Variants in KCNIP4 observed in about 807,000 individuals in gnomAD.
The protein encoded by KCNIP4 is potassium voltage-gated channel interacting protein 4, also known as Kv channel-interacting protein 4.
Under a neutral mutation model 34.0 loss-of-function variants are expected in KCNIP4, and 12 were observed. The observed-to-expected ratio is 0.35, with a 90% confidence interval of 0.23 to 0.57. The LOEUF (loss-of-function observed/expected upper bound fraction) is 0.57, where lower values mean the gene tolerates loss of function less well. Ranked by LOEUF, KCNIP4 falls within the 20% of genes least tolerant of loss-of-function variation. The pLI, the probability that KCNIP4 is intolerant of heterozygous loss-of-function variation, is 0.83. For missense variants in KCNIP4, 238 were observed against 311.7 expected, an observed-to-expected ratio of 0.76 and a Z score of 1.78; for synonymous variants, 124 against 102.2, an observed-to-expected ratio of 1.21 and a Z score of -1.29.
chr4:21,711,669 A>C (rs754887323), intron 1 of KCNIP4, among the ~76,000 whole-genome samples: 5 of 152,234 alleles, frequency 3.3e-5, no homozygotes, highest in Admixed American at 1.3e-4. Context: ...GGCAAATTTT[A>C]ATTGGATTCC....
intron 1 of KCNIP4, among the ~76,000 whole-genome samples, chr4:21,627,555 A>C (rs989887076): frequency 6.6e-6 from 1 of 152,140 alleles, no homozygotes; most frequent in Non-Finnish European, 1.5e-5. Context: ...TTAACTTTTG[A>C]AATTATTTCT....
At chr4:21,547,257 GAC>G (rs376201268) in intron 1 of KCNIP4, among the ~76,000 whole-genome samples, 7 of 152,030 alleles carry the variant, frequency 4.6e-5, no homozygotes, top group African/African-American at 1.2e-4. Context: ...TGTGTTTTGG[GAC>G]AGTTTGTTAC....
chr4:21,257,274 G>T (rs916562124), intron 1 of KCNIP4, among the ~76,000 whole-genome samples: 1 of 152,106 alleles, frequency 6.6e-6, no homozygotes, highest in Non-Finnish European at 1.5e-5. Flanking sequence ...CTATACACAT[G>T]TCTGGAGCTC....
chr4:20,851,724 CAT>C (rs1269665834), intron 2 of KCNIP4, among the ~76,000 whole-genome samples: 9 of 152,136 alleles, frequency 5.9e-5, no homozygotes, highest in African/African-American at 2.2e-4. Flanking sequence ...GTTAGAAAAA[CAT>C]AGAAGATCAC....
chr4:21,381,021 T>G (rs372739940), intron 1 of KCNIP4, among the ~76,000 whole-genome samples: 1 of 152,164 alleles, frequency 6.6e-6, no homozygotes, highest in Admixed American at 6.5e-5. Context: ...GTCAAAGCTC[T>G]TGTTTATTGC....
intron 1 of KCNIP4, among the ~76,000 whole-genome samples, chr4:21,418,226 T>A (rs17522834): frequency 0.053 from 8,086 of 152,262 alleles, 282 homozygotes; most frequent in South Asian, 0.089. Context: ...TGGATCAGAC[T>A]ATTTAGTCAC....
At position 21,362,273 on chromosome 4, in the gene KCNIP4, C is replaced by T. The variant is rs575997652; in HGVS notation, c.62-479564G>A. Among the ~76,000 whole-genome samples, 216 of 152,156 alleles carry T rather than the reference C, an allele frequency of 1.4e-3. 3 individuals are homozygous for T. Among genetic ancestry groups the T allele is most frequent in the African/African-American group, 4.8e-3 (200 of 41,504 alleles). ...AACCCTGTATTATGGCAGAGGGAGC[C>T]GCAGAATAGCCAAGAAGCTGGCTCC... On this transcript the variant is annotated intron_variant, in intron 1 of 8. Transcript: ENST00000382152.
intron 1 of KCNIP4, among the ~76,000 whole-genome samples, chr4:21,124,608 A>G (rs989186705): frequency 1.3e-5 from 2 of 152,020 alleles, no homozygotes; most frequent in African/African-American, 4.8e-5. Context: ...TGCTCTCCAC[A>G]TTATCCCCAT....
chr4:21,796,076 C>A (rs936494135), intron 1 of KCNIP4, among the ~76,000 whole-genome samples: 3 of 152,158 alleles, frequency 2.0e-5, no homozygotes, highest in Admixed American at 1.3e-4. Context: ...CTCAATCAAT[C>A]AATAAATAAA....
chr4:21,058,538 G>T (rs960352241), intron 1 of KCNIP4, among the ~76,000 whole-genome samples: 1 of 152,070 alleles, frequency 6.6e-6, no homozygotes, highest in Non-Finnish European at 1.5e-5. Context: ...GTAAAATGGG[G>T]ATAATTATGG....
intron 3 of KCNIP4, among the ~76,000 whole-genome samples, chr4:20,834,635 A>G (rs1324571742): frequency 2.0e-5 from 3 of 152,106 alleles, no homozygotes; most frequent in African/African-American, 7.2e-5. Flanking sequence ...AAATGTACAT[A>G]AAGAGTAGCC....
At chr4:21,131,218 G>A (rs1243949986) in intron 1 of KCNIP4, among the ~76,000 whole-genome samples, 1 of 152,162 alleles carries the variant, frequency 6.6e-6, no homozygotes, top group African/African-American at 2.4e-5. Context: ...AGGATACCAT[G>A]TAGCAACAAG....
At chr4:21,541,196 A>AAAAAAAAAAAAAAAAAG (rs1491503333) in intron 1 of KCNIP4, among the ~76,000 whole-genome samples, 1 of 146,750 alleles carries the variant, frequency 6.8e-6, no homozygotes, top group African/African-American at 2.7e-5. Context: ...AAAAAAAAAA[A>AAAAAAAAAAAAAAAAAG]AGAGAGAGAG....
At chr4:21,412,528 A>T (rs945165471) in intron 1 of KCNIP4, among the ~76,000 whole-genome samples, 1 of 152,218 alleles carries the variant, frequency 6.6e-6, no homozygotes, top group African/African-American at 2.4e-5. Flanking sequence ...AAACAGGGAG[A>T]GACCATAACT....
In KCNIP4 at chr4:21,798,562, A is replaced by AAAAGAAAGAAAGAAAGAAAG. The variant is rs71193411; in HGVS notation, c.61+149989_61+150008dup. Among the ~76,000 whole-genome samples, 64 of 116,964 alleles carry AAAAGAAAGAAAGAAAGAAAG rather than the reference A, an allele frequency of 5.5e-4. 1 individual carries two copies. In the Middle Eastern group the frequency reaches 0.014, roughly 26 times the overall value. The allele number at this position is 116,964 out of a possible 152,430, so 76.7% of individuals were successfully genotyped here. A position where few individuals can be genotyped will look rare whatever the true frequency, so the allele number is the denominator to read the frequency against. ...AGAGAGAGAGAGAAAGAGAGAAAGA[A>AAAAGAAAGAAAGAAAGAAAG]AAAGAAAGAAAGAAAGAAAGAAAGA... On this transcript the variant is annotated intron_variant, in intron 1 of 8. Coordinates refer to ENST00000382152, the MANE Select transcript of KCNIP4 (RefSeq NM_025221.6).
intron 1 of KCNIP4, among the ~76,000 whole-genome samples, chr4:21,915,537 C>T (rs994667302): frequency 1.3e-5 from 2 of 152,204 alleles, no homozygotes; most frequent in African/African-American, 4.8e-5. Context: ...CTCCTCCAAA[C>T]CTCCACAATC....
At chr4:21,367,978 C>T (rs984689636) in intron 1 of KCNIP4, among the ~76,000 whole-genome samples, 1 of 147,118 alleles carries the variant, frequency 6.8e-6, no homozygotes, top group Non-Finnish European at 1.5e-5. Flanking sequence ...TGAAATAAAG[C>T]GTACCCATGT....
At chr4:21,837,669 A>G (rs1249904804) in intron 1 of KCNIP4, among the ~76,000 whole-genome samples, 1 of 149,484 alleles carries the variant, frequency 6.7e-6, no homozygotes, top group East Asian at 2.0e-4. Flanking sequence ...CATACCTCTC[A>G]GAGATAATTA....
intron 1 of KCNIP4, among the ~76,000 whole-genome samples, chr4:21,536,425 T>C (rs892216182): frequency 1.3e-4 from 20 of 152,188 alleles, no homozygotes; most frequent in Admixed American, 9.8e-4. Context: ...GTAACCAAAA[T>C]ACGAATGAAA....
Sources: gnomAD v4.1 joint callset for allele counts (sites outside exome capture counted in the v4.1 genomes callset) on GRCh38, gnomAD v4.1.1 for gene constraint, MANE v1.5 for transcripts, NCBI Gene and HGNC (gene_info 2026-07-23, HGNC 2026-07-21) for gene names.